The following ALPK2 variants were observed in gnomAD, a reference collection of about 807,000 sequenced individuals.
The protein encoded by ALPK2 is alpha-protein kinase 2.
In ALPK2, 127 loss-of-function variants were observed where a neutral mutation model predicts 163.1. The observed-to-expected ratio is 0.78, with a 90% CI of 0.67 to 0.90. The LOEUF (loss-of-function observed/expected upper bound fraction) is 0.90. Ranked by LOEUF, ALPK2 falls within the 40% of genes least tolerant of loss-of-function variation. The pLI, the probability that ALPK2 is intolerant of heterozygous loss-of-function variation, is 0.00. For synonymous variants in ALPK2, 953 were observed against 959.1 expected, an observed-to-expected ratio of 0.99 and a Z score of 0.12; for missense variants, 2,360 against 2,589.6, an observed-to-expected ratio of 0.91 and a Z score of 1.92.
In ALPK2 at chr18:58,534,784, T is replaced by C; in HGVS notation, c.5353+50A>G. The stretch of plus-strand genomic sequence containing the variant: ...CTCGAGGACACAGGAACTGGATACC[T>C]GGTCTACAAGCCCAAACTTTAACAA... On this transcript the variant is annotated intron_variant, in intron 5 of 12. Coordinates refer to ENST00000361673, the MANE Select transcript of ALPK2 (RefSeq NM_052947.4). 1.9e-6 allele frequency: 3 copies of C among 1,543,904 alleles called. No homozygotes were observed. The East Asian group carries it at 6.7e-5, about 35-fold the overall frequency.
At chr18:58,491,076 A>G (rs567472370) in intron 12 of ALPK2, among the ~76,000 whole-genome samples, 9 of 152,318 alleles carry the variant, frequency 5.9e-5, no homozygotes, top group African/African-American at 1.7e-4. Flanking sequence ...TGATCCCCAA[A>G]GGGCTGTGCT....
At chr18:58,548,822 C>T (rs937430394) in intron 4 of ALPK2, among the ~76,000 whole-genome samples, 3 of 152,248 alleles carry the variant, frequency 2.0e-5, no homozygotes, top group Admixed American at 6.5e-5. Context: ...ATGGTAAATG[C>T]TCAGAAATTA....
chr18:58,536,019 TAAA>T lies in ALPK2; in HGVS notation c.4165_4167del (p.Phe1389del), dbSNP rs2144146303. 1 of 1,611,992 alleles carries T rather than the reference TAAA, an allele frequency of 6.2e-7. No homozygotes were observed. The highest frequency in any genetic ancestry group is 8.5e-7 in the Non-Finnish European group (1 of 1,178,674). On this transcript the variant is annotated inframe_deletion, in exon 5 of 13. Transcript: ENST00000361673. ...ATTTTAGGGCAGGTCAGAAACTTTTTAAAGAAGGCAGTGTGATCCATCTTGAGT... is the reference window on the plus strand; with the variant it reads ...ATTTTAGGGCAGGTCAGAAACTTTTTGAAGGCAGTGTGATCCATCTTGAGT...
rs985394583 is a variant in ALPK2 at position 58,594,065 on chromosome 18, C to T, written c.227+13257G>A. Among the ~76,000 whole-genome samples the T allele has an allele frequency of 9.9e-5, 15 of 151,416 alleles. No homozygotes were observed. The East Asian group carries it at 2.9e-3, about 29-fold the overall frequency. On this transcript the variant is annotated intron_variant, in intron 3 of 12. Transcript: ENST00000361673. ...GCAGCCAGCACTCAGAAGCACTGAA[C>T]TAAATAAATGGACATGGACTCTTGT... is the stretch of plus-strand genomic sequence containing the variant.
rs148507420 is a variant in ALPK2, at chr18:58,579,617, C to A, written c.1159G>T (p.Val387Leu). ...FLSGMGCGSR[V>L]SGDAGPMVAT... ...ACCATAGGCCCAGCGTCACCCGACACCCGAGACCCACAACCCATTCCACTG... is the reference window on the plus strand; with the variant it reads ...ACCATAGGCCCAGCGTCACCCGACAACCGAGACCCACAACCCATTCCACTG... The change falls in exon 4 of 13, where the codon GTG (valine) becomes TTG (leucine). Residue 387 changes from valine (V) to leucine (L), a missense_variant. Physicochemically the swap from Val to Leu is conservative, Grantham distance 32. Coordinates refer to ENST00000361673, the MANE Select transcript of ALPK2 (RefSeq NM_052947.4). The A allele has an allele frequency of 1.2e-6, 2 of 1,613,780 alleles. No individual in the cohort carries two copies. Among genetic ancestry groups the A allele is most frequent in the African/African-American group, 2.7e-5 (2 of 74,888 alleles).
chr18:58,570,019 A>C (rs551681456), intron 4 of ALPK2, among the ~76,000 whole-genome samples: 1 of 151,762 alleles, frequency 6.6e-6, no homozygotes. Context: ...AATCCCAGCT[A>C]CTCGGAAGGC....
chr18:58,556,011 G>A (rs2051788978), intron 4 of ALPK2, among the ~76,000 whole-genome samples: 2 of 152,000 alleles, frequency 1.3e-5, no homozygotes, highest in Admixed American at 6.6e-5. Flanking sequence ...TAGTAGAGAC[G>A]AGGTTTCACC....
intron 4 of ALPK2, among the ~76,000 whole-genome samples, chr18:58,543,955 G>A (rs11872825): frequency 0.42 from 63,763 of 151,966 alleles, 13,931 homozygotes; most frequent in Non-Finnish European, 0.49. Context: ...GAACTTCTAA[G>A]CTCCTGAAAC....
In ALPK2 at chr18:58,536,584, C is replaced by G. The variant is rs750907267; in HGVS notation, c.3603G>C (p.Gly1201=). 6.2e-7 allele frequency: 1 copy of G among 1,614,102 alleles called. No individual in the cohort carries two copies. Among genetic ancestry groups the G allele is most frequent in the East Asian group, 2.2e-5 (1 of 44,886 alleles). Residue 1201 remains glycine (G), a synonymous_variant, in exon 5 of 13, where the codon GGG becomes GGC. Transcript: ENST00000361673. ...TGCTCAGAGCCTGACTGTCTTCTTC[C>G]CCAGCAGTTTCAGCCACCACGGAGA... The part of the protein sequence containing the change: ...TRVSVVAETA[G]EEDSQALSNV...
intron 11 of ALPK2, among the ~76,000 whole-genome samples, chr18:58,500,238 GAA>G (rs10570591): frequency 0.22 from 24,987 of 114,370 alleles, 2,176 homozygotes; most frequent in Middle Eastern, 0.24. Context: ...ACTATGCTTT[GAA>G]AAAAAAAAAA....
chr18:58,583,633 G>A (rs2051971068), intron 3 of ALPK2, among the ~76,000 whole-genome samples: 1 of 151,104 alleles, frequency 6.6e-6, no homozygotes, highest in African/African-American at 2.4e-5. Context: ...GGGAAACATG[G>A]CAAGACTCCA....
At chr18:58,517,760 G>A (rs1347598578) in intron 8 of ALPK2, among the ~76,000 whole-genome samples, 1 of 151,648 alleles carries the variant, frequency 6.6e-6, no homozygotes, top group African/African-American at 2.4e-5. Flanking sequence ...TGGTCCTCTT[G>A]GTAGCAATAC....
chr18:58,571,356 T>C (rs2051884828), intron 4 of ALPK2, among the ~76,000 whole-genome samples: 1 of 150,542 alleles, frequency 6.6e-6, no homozygotes, highest in African/African-American at 2.4e-5. Context: ...GGCACTATGC[T>C]AAGTTCTCTT....
At chr18:58,529,523 G>A (rs944107905) in intron 5 of ALPK2, among the ~76,000 whole-genome samples, 21 of 152,150 alleles carry the variant, frequency 1.4e-4, no homozygotes, top group Non-Finnish European at 2.4e-4. Context: ...GGGGATGAGA[G>A]GTGGGAGGAT....
rs1412696575 is a variant in ALPK2 at position 58,593,487 on chromosome 18, C to T, written c.228-12939G>A. Among the ~76,000 whole-genome samples, 3 of 145,290 alleles carry T rather than the reference C, an allele frequency of 2.1e-5. No individual in the cohort carries two copies. The East Asian group carries it at 6.2e-4, about 30-fold the overall frequency. On this transcript the variant is annotated intron_variant, in intron 3 of 12. Coordinates refer to ENST00000361673, the MANE Select transcript of ALPK2 (RefSeq NM_052947.4). ...GCTGAGGCAGAAGAATCGCTTGAACCTGGGAGGTGGAGGTTGCAATGAGCT... is the reference window on the plus strand; with the variant it reads ...GCTGAGGCAGAAGAATCGCTTGAACTTGGGAGGTGGAGGTTGCAATGAGCT...
At chr18:58,514,168 A>G (rs1376865026) in intron 10 of ALPK2, among the ~76,000 whole-genome samples, 1 of 152,234 alleles carries the variant, frequency 6.6e-6, no homozygotes, top group Non-Finnish European at 1.5e-5. Flanking sequence ...TGTGTTAAGC[A>G]TTTCTTGAGA....
chr18:58,535,923 GC>G lies in ALPK2; in HGVS notation c.4263del (p.Glu1421AspfsTer42), dbSNP rs1568077766. ...VIEYTRAGKP[E>X]PSETTPQGAR... is the part of the protein sequence containing the mutation. ...GCGCCCTGTGGTGTGGTTTCAGAGG[GC>G]TCTGGTTTTCCAGCCCTGGTGTACT... On this transcript the variant is annotated frameshift_variant, in exon 5 of 13. Coordinates refer to ENST00000361673, the MANE Select transcript of ALPK2 (RefSeq NM_052947.4). LOFTEE classifies it high-confidence loss of function. 6.2e-7 allele frequency: 1 copy of G among 1,614,144 alleles called. No homozygotes were observed. The highest frequency in any genetic ancestry group is 2.2e-5 in the East Asian group (1 of 44,880).
Position 58,535,940 on chromosome 18 carries a change from C to T in ALPK2, c.4247G>A (p.Arg1416Lys), listed in dbSNP as rs1171003188. 3.1e-6 allele frequency: 5 copies of T among 1,614,074 alleles called. No individual in the cohort carries two copies. The highest frequency in any genetic ancestry group is 4.2e-6 in the Non-Finnish European group (5 of 1,180,048). ...TTCAGAGGGCTCTGGTTTTCCAGCCCTGGTGTACTCTATCACACTTATCTC... is the reference window on the plus strand; with the variant it reads ...TTCAGAGGGCTCTGGTTTTCCAGCCTTGGTGTACTCTATCACACTTATCTC... ...IDEISVIEYT[R>K]AGKPEPSETT... Residue 1416 changes from arginine to lysine, a missense_variant, in exon 5 of 13, where the codon AGG (arginine) becomes AAG (lysine). Arg to Lys is a conservative substitution (Grantham distance 26). Transcript: ENST00000361673.
chr18:58,605,200 C>T (rs1365736857), intron 3 of ALPK2, among the ~76,000 whole-genome samples: 3 of 152,120 alleles, frequency 2.0e-5, no homozygotes, highest in Non-Finnish European at 1.5e-5. Flanking sequence ...TCTGGTCCCT[C>T]GCCTGTTTTT....
Sources: allele counts gnomAD v4.1 joint callset (sites outside exome capture counted in the v4.1 genomes callset), GRCh38; gene constraint gnomAD v4.1.1; transcripts MANE v1.5; gene names NCBI Gene and HGNC (gene_info 2026-07-23, HGNC 2026-07-21).